The following MTCL2 variants were observed in gnomAD, a reference collection of about 807,000 sequenced individuals.
MTCL2 encodes microtubule cross-linking factor 2.
chr20:36,823,777 T>C, the MTCL2 span, among the ~76,000 whole-genome samples: 2 of 152,300 alleles, frequency 1.3e-5, no homozygotes, highest in Non-Finnish European at 1.5e-5. Context: ...CACTACACTC[T>C]AGCCTGAGTG....
At chr20:36,836,098 C>T in the MTCL2 span, among the ~76,000 whole-genome samples, 1 of 150,282 alleles carries the variant, frequency 6.7e-6, no homozygotes, top group Non-Finnish European at 1.5e-5. Flanking sequence ...CCTCCCAACC[C>T]AGTGATTGGA....
At chr20:36,823,645 T>A in the MTCL2 span, among the ~76,000 whole-genome samples, 3 of 152,040 alleles carry the variant, frequency 2.0e-5, no homozygotes, top group African/African-American at 7.2e-5. Context: ...CCCATCTCTT[T>A]CAAAAATACG....
chr20:36,794,012 C>T, the MTCL2 span: 13 of 1,551,604 alleles, frequency 8.4e-6, no homozygotes, highest in Admixed American at 2.0e-5. This position sits in a 1 kb window ranked among gnomAD's most constrained non-coding sequence, Gnocchi z 5.4. Flanking sequence ...TGAGCCGGAG[C>T]GCATGGCCTG....
the MTCL2 span, among the ~76,000 whole-genome samples, chr20:36,787,720 T>C: frequency 5.3e-5 from 8 of 150,322 alleles, no homozygotes; most frequent in African/African-American, 2.0e-4. Context: ...ACCCCATCTC[T>C]ACTAAAAATA....
chr20:36,800,397 T>A, the MTCL2 span, among the ~76,000 whole-genome samples: 1 of 152,224 alleles, frequency 6.6e-6, no homozygotes, highest in African/African-American at 2.4e-5. Context: ...GGTACCTGGA[T>A]GGTTCTGGGA....
chr20:36,784,101 T>C, the MTCL2 span: 2 of 985,486 alleles, frequency 2.0e-6, no homozygotes, highest in African/African-American at 3.5e-5. Context: ...CCACGGGGAT[T>C]TCTCCCCGAG....
chr20:36,841,898 T>G, the MTCL2 span, among the ~76,000 whole-genome samples: 1 of 150,938 alleles, frequency 6.6e-6, no homozygotes, highest in South Asian at 2.1e-4. Flanking sequence ...TGTGTGTGTG[T>G]GTGTGTGTGT....
At chr20:36,805,808 G>T in the MTCL2 span, 2 of 1,491,904 alleles carry the variant, frequency 1.3e-6, no homozygotes, top group African/African-American at 2.8e-5. Flanking sequence ...AGCAGACAAA[G>T]GAATGAATGG....
At chr20:36,816,407 G>A in the MTCL2 span, 2 of 1,029,782 alleles carry the variant, frequency 1.9e-6, no homozygotes, top group African/African-American at 3.2e-5. Context: ...GGAACACAGG[G>A]ATGAATCAGA....
the MTCL2 span, among the ~76,000 whole-genome samples, chr20:36,860,240 C>G: frequency 6.6e-6 from 1 of 152,308 alleles, no homozygotes; most frequent in Non-Finnish European, 1.5e-5. Flanking sequence ...TCCAGACCCT[C>G]ACTCAGTTGG....
chr20:36,847,787 G>A, the MTCL2 span, among the ~76,000 whole-genome samples: 14 of 149,100 alleles, frequency 9.4e-5, no homozygotes, highest in African/African-American at 3.5e-4. Flanking sequence ...TTGGGAGGTT[G>A]AGGCTGCAAT....
At chr20:36,817,535 A>G in the MTCL2 span, 1 of 1,461,722 alleles carries the variant, frequency 6.8e-7, no homozygotes, top group Non-Finnish European at 9.2e-7. Context: ...AATGATGCAC[A>G]TGCAGAGAGC....
the MTCL2 span, among the ~76,000 whole-genome samples, chr20:36,848,838 T>TA: frequency 6.6e-6 from 1 of 152,168 alleles, no homozygotes; most frequent in Non-Finnish European, 1.5e-5. Flanking sequence ...ATCATCATTA[T>TA]ATGAGTAATA....
the MTCL2 span, among the ~76,000 whole-genome samples, chr20:36,852,988 C>T: frequency 6.7e-6 from 1 of 149,784 alleles, no homozygotes; most frequent in Non-Finnish European, 1.5e-5. Context: ...ACCCAGGAGA[C>T]GGAGGTTGCA....
the MTCL2 span, chr20:36,828,798 A>T: frequency 4.6e-6 from 2 of 439,424 alleles, no homozygotes; most frequent in Non-Finnish European, 4.0e-6. Flanking sequence ...TCTCTCTCTC[A>T]TTACCCCGTG....
At chr20:36,856,458 C>T in the MTCL2 span, among the ~76,000 whole-genome samples, 1 of 152,250 alleles carries the variant, frequency 6.6e-6, no homozygotes, top group Non-Finnish European at 1.5e-5. Context: ...GAGATAGGGC[C>T]AGCAGGAAAT....
chr20:36,797,402 T>C, the MTCL2 span: 2 of 1,240,440 alleles, frequency 1.6e-6, no homozygotes, highest in South Asian at 2.7e-5. Context: ...GTGTGACCTA[T>C]GAGACAGGGT....
At chr20:36,801,360 GAC>G in the MTCL2 span, among the ~76,000 whole-genome samples, 1 of 152,008 alleles carries the variant, frequency 6.6e-6, no homozygotes. Context: ...CTCCAGGAAA[GAC>G]ACAAAGTATA....
the MTCL2 span, among the ~76,000 whole-genome samples, chr20:36,848,445 G>A: frequency 2.6e-5 from 4 of 152,226 alleles, no homozygotes; most frequent in African/African-American, 9.6e-5. Context: ...CCAAACATGA[G>A]CTCACACTAC....
Sources: allele counts gnomAD v4.1 joint callset (sites outside exome capture counted in the v4.1 genomes callset), GRCh38; gene constraint gnomAD v4.1.1; non-coding constraint Gnocchi (gnomAD v3.1); transcripts MANE v1.5; gene names NCBI Gene and HGNC (gene_info 2026-07-23, HGNC 2026-07-21).